Variants in EFCAB5 observed in about 807,000 individuals in gnomAD.
EFCAB5 encodes the protein EF-hand calcium-binding domain-containing protein 5.
EFCAB5 carries 131 observed loss-of-function variants against 167.9 expected under a neutral mutation model. The observed-to-expected ratio is 0.78, with a 90% CI of 0.68 to 0.90. The LOEUF is 0.90. EFCAB5 is among the 40% of genes least tolerant of loss of function. EFCAB5 has a pLI of 0.00. For missense variants in EFCAB5, 1,663 were observed against 1,745.2 expected (o/e 0.95, Z 0.84); for synonymous variants, 574 against 602.8 (o/e 0.95, Z 0.70).
At chr17:30,028,140 T>C (rs1427000649) in intron 7 of EFCAB5, among the ~76,000 whole-genome samples, 1 of 152,206 alleles carries the variant, frequency 6.6e-6, no homozygotes, top group African/African-American at 2.4e-5. Flanking sequence ...CTGTTCTTGC[T>C]CAGTGGTGGT....
chr17:29,942,089 T>C (rs1018986284), intron 1 of EFCAB5, 151 bp from the exon 2 acceptor site: 1 of 754,514 alleles, frequency 1.3e-6, no homozygotes, highest in African/African-American at 1.8e-5. Context: ...AATTTGTTGA[T>C]ACAACTACTT....
rs150303421 is a variant in EFCAB5 at position 29,971,006 on chromosome 17, C to T, written c.767+1639C>T. ...GGGAGAATCACTTGAACCTGGGAGG[C>T]GGAGGCTGCAGTGAGCCGAGATGCA... On this transcript the variant is annotated intron_variant, in intron 4 of 22. Coordinates refer to ENST00000394835, the MANE Select transcript of EFCAB5 (RefSeq NM_198529.4). 6.2e-3 allele frequency among the ~76,000 whole-genome samples: 927 copies of T among 150,496 alleles called. 8 individuals carry two copies. The highest frequency in any genetic ancestry group is 0.022 in the African/African-American group (885 of 40,886).
chr17:29,950,539 T>C (rs1462736464), intron 3 of EFCAB5: 1 of 151,992 alleles, frequency 6.6e-6, no homozygotes, highest in Non-Finnish European at 1.5e-5. Context: ...CCCACCTAAG[T>C]TTTTAATTTT....
At chr17:29,985,923 A>T (rs2068272447) in intron 4 of EFCAB5, among the ~76,000 whole-genome samples, 1 of 152,182 alleles carries the variant, frequency 6.6e-6, no homozygotes, top group African/African-American at 2.4e-5. Flanking sequence ...CAAGACGATA[A>T]AAGCAAAGGC....
At chr17:29,990,433 T>A (rs1226644400) in intron 4 of EFCAB5, among the ~76,000 whole-genome samples, 1 of 152,236 alleles carries the variant, frequency 6.6e-6, no homozygotes, top group African/African-American at 2.4e-5. Flanking sequence ...CTGTGCTATA[T>A]GCTCTCCTGG....
At chr17:30,017,838 C>T (rs1313439329) in intron 7 of EFCAB5, among the ~76,000 whole-genome samples, 3 of 152,186 alleles carry the variant, frequency 2.0e-5, no homozygotes, top group East Asian at 3.9e-4. Flanking sequence ...ACACTATTCA[C>T]CTTCTTTTCT....
chr17:30,016,477 G>A (rs1047468063), intron 7 of EFCAB5, among the ~76,000 whole-genome samples: 6 of 151,992 alleles, frequency 3.9e-5, no homozygotes, highest in Non-Finnish European at 5.9e-5. Flanking sequence ...AACTGAAGAG[G>A]TAAGAAACAA....
In EFCAB5 at chr17:29,971,067, C is replaced by T. The variant is rs1000592056; in HGVS notation, c.767+1700C>T. 2.4e-4 allele frequency among the ~76,000 whole-genome samples: 31 copies of T among 129,450 alleles called. No homozygotes were observed. The Admixed American group carries it at 2.5e-3, about 10-fold the overall frequency. The allele number at this position is 129,450 out of a possible 152,430, so 84.9% of individuals were successfully genotyped here. A position where few individuals can be genotyped will look rare whatever the true frequency, so the allele number is the denominator to read the frequency against. ...CCAGCCTGGGCAACAGAGTGAGACC[C>T]CATCTCAAAAAAAAAAAAAGATTTT... On this transcript the variant is annotated intron_variant, in intron 4 of 22. Transcript: ENST00000394835.
At chr17:29,977,503 C>A (rs2068085445) in intron 4 of EFCAB5, among the ~76,000 whole-genome samples, 1 of 152,110 alleles carries the variant, frequency 6.6e-6, no homozygotes, top group African/African-American at 2.4e-5. Flanking sequence ...ATCTAAGAGA[C>A]CCCAAACAGA....
At chr17:30,099,973 A>T (rs1260377131) in intron 22 of EFCAB5, among the ~76,000 whole-genome samples, 1 of 152,014 alleles carries the variant, frequency 6.6e-6, no homozygotes, top group Non-Finnish European at 1.5e-5. Flanking sequence ...TTATTCAGAC[A>T]TTGGATCTCC....
chr17:29,932,316 A>G (rs1037745463), intron 1 of EFCAB5, among the ~76,000 whole-genome samples: 1 of 150,106 alleles, frequency 6.7e-6, no homozygotes, highest in Non-Finnish European at 1.5e-5. Flanking sequence ...ACACCCGGCT[A>G]GTTTTTATAT....
At chr17:30,079,273 CA>C (rs1221753732) in intron 15 of EFCAB5, among the ~76,000 whole-genome samples, 5 of 152,176 alleles carry the variant, frequency 3.3e-5, no homozygotes, top group Admixed American at 3.3e-4. Context: ...TAACTTGCTT[CA>C]GAGGTCTGTG....
Position 29,942,183 on chromosome 17 carries a change from G to A in EFCAB5, c.43-57G>A, listed in dbSNP as rs2067307914. 1.1e-5 allele frequency: 15 copies of A among 1,407,834 alleles called. No individual in the cohort carries two copies. In the South Asian group the frequency reaches 1.9e-4, roughly 18 times the overall value. 87.2% of individuals were successfully genotyped at this position (1,407,834 alleles called of 1,614,324 possible). ...GCTTACTGTATTAAAGTATGAGACA[G>A]TAGTTTAATCCACAGCTCTTTTTGG... is the stretch of plus-strand genomic sequence containing the variant. On this transcript the variant is annotated intron_variant, in intron 1 of 22. Coordinates refer to ENST00000394835, the MANE Select transcript of EFCAB5 (RefSeq NM_198529.4).
intron 1 of EFCAB5, among the ~76,000 whole-genome samples, chr17:29,935,623 T>C (rs2067238440): frequency 6.6e-6 from 1 of 150,998 alleles, no homozygotes; most frequent in Non-Finnish European, 1.5e-5. Context: ...TAACTAGATA[T>C]AAAGTTGTTA....
chr17:30,087,332 G>A (rs1218427381), intron 19 of EFCAB5, among the ~76,000 whole-genome samples, 166 bp downstream of exon 19: 4 of 152,032 alleles, frequency 2.6e-5, no homozygotes, highest in Non-Finnish European at 5.9e-5. Flanking sequence ...TGTGCAGGAC[G>A]TGCAGGTTTG....
chr17:30,105,808 G>T (rs2071442187), intron 22 of EFCAB5, among the ~76,000 whole-genome samples: 1 of 151,812 alleles, frequency 6.6e-6, no homozygotes, highest in Non-Finnish European at 1.5e-5. Context: ...TGCCAGGGTG[G>T]TGTGTGTGTG....
intron 4 of EFCAB5, among the ~76,000 whole-genome samples, chr17:29,979,415 A>G (rs1380022274): frequency 1.3e-5 from 2 of 152,186 alleles, no homozygotes; most frequent in African/African-American, 4.8e-5. Context: ...GCTACCCAGC[A>G]TATAGTCACA....
At chr17:29,951,520 TTTTTA>T (rs1567673852) in intron 3 of EFCAB5, among the ~76,000 whole-genome samples, 1 of 148,752 alleles carries the variant, frequency 6.7e-6, no homozygotes. Flanking sequence ...TGTATTTTTT[TTTTTA>T]TTTTTTTTTT....
chr17:30,059,415 T>C (rs2070363958), intron 13 of EFCAB5, 130 bp from the exon 14 acceptor site: 2 of 1,004,746 alleles, frequency 2.0e-6, no homozygotes, highest in African/African-American at 3.2e-5. Context: ...TTTCCCTTAA[T>C]ATCATGCTTA....
Sources: gnomAD v4.1 joint callset for allele counts (sites outside exome capture counted in the v4.1 genomes callset) on GRCh38, gnomAD v4.1.1 for gene constraint, MANE v1.5 for transcripts, NCBI Gene and HGNC (gene_info 2026-07-23, HGNC 2026-07-21) for gene names.